CCDC171: variants seen among roughly 807,000 people sequenced by gnomAD.
The protein encoded by CCDC171 is coiled-coil domain-containing protein 171.
A neutral mutation model predicts 168.2 loss-of-function variants in CCDC171; 177 were observed. That is an observed-to-expected ratio of 1.05 (90% CI 0.93 to 1.19). The LOEUF is 1.19. CCDC171 is among the 50% of genes most tolerant of loss of function. CCDC171 has a pLI of 0.00. For synonymous variants in CCDC171, 687 were observed against 540.8 expected (o/e 1.27, Z -3.75); for missense variants, 1,991 against 1,539.0 (o/e 1.29, Z -4.91).
At chr9:15,800,952 A>G (rs2058793134) in intron 21 of CCDC171, among the ~76,000 whole-genome samples, 1 of 151,942 alleles carries the variant, frequency 6.6e-6, no homozygotes, top group Non-Finnish European at 1.5e-5. Context: ...TGGGCTCTCT[A>G]TTCATTCCAT....
chr9:15,706,248 C>CCTTCCTTG (rs1564253074), intron 11 of CCDC171, among the ~76,000 whole-genome samples: 8 of 94,490 alleles, frequency 8.5e-5, no homozygotes, highest in African/African-American at 2.9e-4. Context: ...TTCCTTGCTT[C>CCTTCCTTG]CTTCCTTCCT....
At chr9:16,099,727 G>T in the CCDC171 span, among the ~76,000 whole-genome samples, 8 of 152,208 alleles carry the variant, frequency 5.3e-5, no homozygotes, top group Non-Finnish European at 7.3e-5. Context: ...CAATGAGATA[G>T]TCTCAACAAG....
intron 1 of CCDC171, among the ~76,000 whole-genome samples, chr9:16,058,597 G>A (rs565363343): frequency 3.3e-5 from 5 of 152,288 alleles, no homozygotes; most frequent in Admixed American, 2.0e-4. Context: ...AGGAGTTACC[G>A]ATTCAGAAAC....
At chr9:16,056,763 G>C (rs891474974) in intron 1 of CCDC171, among the ~76,000 whole-genome samples, 1 of 152,186 alleles carries the variant, frequency 6.6e-6, no homozygotes, top group South Asian at 2.1e-4. Context: ...GCTCGGATTA[G>C]AGGTGTGAGC....
intron 7 of CCDC171, among the ~76,000 whole-genome samples, chr9:15,632,535 T>C (rs2132319009): frequency 6.6e-6 from 1 of 152,290 alleles, no homozygotes; most frequent in South Asian, 2.1e-4. Flanking sequence ...TACAAACAAA[T>C]GGAAGAACAT....
chr9:15,984,959 A>G (rs1269657271), intron 3 of CCDC171, among the ~76,000 whole-genome samples: 1 of 152,168 alleles, frequency 6.6e-6, no homozygotes, highest in Non-Finnish European at 1.5e-5. Context: ...ATGTATTTCT[A>G]TATTTATACA....
chr9:15,958,800 A>C (rs1045794569), intron 25 of CCDC171, among the ~76,000 whole-genome samples: 6 of 152,150 alleles, frequency 3.9e-5, no homozygotes, highest in Admixed American at 3.9e-4. Flanking sequence ...GTGTCCAAGA[A>C]GACTACCAGT....
intron 1 of CCDC171, among the ~76,000 whole-genome samples, chr9:16,048,950 A>AT (rs1470699353): frequency 6.8e-5 from 1 of 14,662 alleles, no homozygotes; most frequent in African/African-American, 1.1e-4. Flanking sequence ...ATAGAAAGAC[A>AT]AAAAAAAAAA....
chr9:15,555,104 A>G (rs958197633), intron 1 of CCDC171, among the ~76,000 whole-genome samples: 1 of 152,130 alleles, frequency 6.6e-6, no homozygotes, highest in African/African-American at 2.4e-5. Flanking sequence ...TCTAAAGTAG[A>G]TTCGCCTTTC....
At chr9:16,003,166 C>T (rs1832605141) in intron 3 of CCDC171, among the ~76,000 whole-genome samples, 1 of 152,244 alleles carries the variant, frequency 6.6e-6, no homozygotes, top group Admixed American at 6.5e-5. Flanking sequence ...CAACTTCCCA[C>T]ATCCAGAGTT....
chr9:15,685,858 C>A (rs933484017), intron 10 of CCDC171, among the ~76,000 whole-genome samples: 1 of 152,146 alleles, frequency 6.6e-6, no homozygotes, highest in East Asian at 1.9e-4. Flanking sequence ...CCAGACATCT[C>A]TGTAGAATGA....
intron 10 of CCDC171, among the ~76,000 whole-genome samples, chr9:15,686,625 G>C (rs1466836029): frequency 3.9e-5 from 6 of 152,002 alleles, no homozygotes; most frequent in Admixed American, 6.6e-5. Flanking sequence ...ACTGATGATA[G>C]ACAAAATAGA....
chr9:15,590,368 T>G (rs2041888129), intron 4 of CCDC171, among the ~76,000 whole-genome samples: 1 of 152,260 alleles, frequency 6.6e-6, no homozygotes, highest in South Asian at 2.1e-4. Context: ...TTTCCTCATT[T>G]TATCTTCACA....
rs192101900 is a variant in CCDC171 at position 15,705,683 on chromosome 9, T to C, written c.1318+10346T>C. Among the ~76,000 whole-genome samples, 449 of 152,288 alleles carry C rather than the reference T, an allele frequency of 2.9e-3. 5 individuals carry two copies. The highest frequency in any genetic ancestry group is 5.5e-3 in the Non-Finnish European group (373 of 68,022). On this transcript the variant is annotated intron_variant, in intron 11 of 25. Transcript: ENST00000380701. ...CTCTCCCTTGCATGCTCTACTTTTT[T>C]CCCCCATAGCACCTATTGCAGTCAA...
rs1299621750 is a variant in CCDC171 at position 15,971,756 on chromosome 9, C to A, written c.3901C>A (p.Pro1301Thr). 1 of 1,613,794 alleles carries A rather than the reference C, an allele frequency of 6.2e-7. No homozygotes were observed. The highest frequency in any genetic ancestry group is 8.5e-7 in the Non-Finnish European group (1 of 1,179,880). ...AAAGGAGACATTTATAAATACTGTGCCCCATGCTCTGACATCATCTCACTC... is the reference window on the plus strand; with the variant it reads ...AAAGGAGACATTTATAAATACTGTGACCCATGCTCTGACATCATCTCACTC... The part of the protein sequence containing the change: ...FLKETFINTV[P>T]HALTSSHSSP... Residue 1301 changes from proline to threonine, a missense_variant, in exon 26 of 26, where the codon CCC becomes ACC. Transcript: ENST00000380701.
chr9:15,862,211 C>A (rs561949324), intron 23 of CCDC171, among the ~76,000 whole-genome samples: 1 of 151,380 alleles, frequency 6.6e-6, no homozygotes, highest in East Asian at 1.9e-4. Flanking sequence ...TAAAAATTCT[C>A]TTTTTTTGAA....
chr9:16,021,189 G>A (rs1477964481), intron 4 of CCDC171, among the ~76,000 whole-genome samples: 5 of 152,166 alleles, frequency 3.3e-5, no homozygotes, highest in Non-Finnish European at 1.5e-5. Context: ...CGGGGTTCAG[G>A]TGACTCTCCT....
chr9:15,634,039 G>T (rs186658216), intron 7 of CCDC171, among the ~76,000 whole-genome samples: 3 of 152,020 alleles, frequency 2.0e-5, no homozygotes, highest in Non-Finnish European at 1.5e-5. Flanking sequence ...GTGGGGAGAG[G>T]GGGGCGGGAT....
chr9:15,666,099 C>T, intron 8 of CCDC171, 64 bp from the exon 9 acceptor site: 2 of 1,408,208 alleles, frequency 1.4e-6, no homozygotes, highest in Non-Finnish European at 2.0e-6. Flanking sequence ...AAGTATTCTA[C>T]TCAATTTAAG....
Sources: gnomAD v4.1 joint callset for allele counts (sites outside exome capture counted in the v4.1 genomes callset) on GRCh38, gnomAD v4.1.1 for gene constraint, MANE v1.5 for transcripts, NCBI Gene and HGNC (gene_info 2026-07-23, HGNC 2026-07-21) for gene names.